The following SPG11 variants were observed in gnomAD, a reference collection of about 807,000 sequenced individuals.
The protein encoded by SPG11 is spatacsin.
A neutral mutation model predicts 274.0 loss-of-function variants in SPG11; 222 were observed. The ratio of observed to expected loss-of-function variants is 0.81; its 90% CI spans 0.73 to 0.91. The LOEUF is 0.91. Ranked by LOEUF, SPG11 falls within the 40% of genes least tolerant of loss-of-function variation. The pLI, the probability that SPG11 is intolerant of heterozygous loss-of-function variation, is 0.00. For synonymous variants in SPG11, 1,144 were observed against 1,039.7 expected, an observed-to-expected ratio of 1.10 and a Z score of -1.93; for missense variants, 3,114 against 2,872.7, an observed-to-expected ratio of 1.08 and a Z score of -1.92.
chr15:44,637,603 C>T (rs1026830853), intron 7 of SPG11, among the ~76,000 whole-genome samples: 3 of 152,124 alleles, frequency 2.0e-5, no homozygotes, highest in African/African-American at 7.2e-5. Context: ...AGCCACTGTG[C>T]CTGGGTTGGA....
chr15:44,570,416 G>T, intron 34 of SPG11, 109 bp downstream of exon 34: 2 of 1,404,604 alleles, frequency 1.4e-6, no homozygotes, highest in Non-Finnish European at 2.0e-6. Context: ...GTGGTATCCA[G>T]ATGGGCAGAA....
intron 27 of SPG11, among the ~76,000 whole-genome samples, chr15:44,590,124 A>C (rs1353382604): frequency 1.3e-5 from 2 of 152,146 alleles, no homozygotes; most frequent in Non-Finnish European, 2.9e-5. Context: ...TTCTTTAAAG[A>C]GGGATGTAGG....
At chr15:44,625,392 T>C (rs1200825291) in intron 11 of SPG11, among the ~76,000 whole-genome samples, 1 of 152,118 alleles carries the variant, frequency 6.6e-6, no homozygotes, top group Non-Finnish European at 1.5e-5. Flanking sequence ...GAGGGGCCTG[T>C]TGGGAGGTGA....
intron 7 of SPG11, among the ~76,000 whole-genome samples, chr15:44,639,974 G>A (rs527465848): frequency 1.3e-5 from 2 of 152,254 alleles, no homozygotes; most frequent in East Asian, 1.9e-4. Flanking sequence ...ACTTTGGGAG[G>A]CCGAGGCAGG....
In SPG11 at chr15:44,596,246, C is replaced by T. The variant is rs761186692; in HGVS notation, c.4271G>A (p.Cys1424Tyr). The T allele has an allele frequency of 6.2e-7, 1 of 1,614,148 alleles. No individual in the cohort carries two copies. The highest frequency in any genetic ancestry group is 1.1e-5 in the South Asian group (1 of 91,080). The change falls in exon 25 of 40, where the codon TGC (cysteine) becomes TAC (tyrosine). Residue 1424 changes from cysteine (C) to tyrosine (Y), a missense_variant. By Grantham distance (194) the Cys-to-Tyr change is radical. Transcript: ENST00000261866. ...TTGAAGTTCCTGGGGGCACTTATTG[C>T]AGACTTGATCGCTGTCCATTTTGGA... ...PTSKMDSDQV[C>Y]NKCPQELQGS...
At chr15:44,632,015 C>T (rs2084079300) in intron 8 of SPG11, among the ~76,000 whole-genome samples, 1 of 151,792 alleles carries the variant, frequency 6.6e-6, no homozygotes, top group Non-Finnish European at 1.5e-5. Flanking sequence ...CACTATGTTA[C>T]CCAGGCTAGT....
chr15:44,572,936 G>T, intron 32 of SPG11, 116 bp from the exon 33 acceptor site: 1 of 947,658 alleles, frequency 1.1e-6, no homozygotes, highest in Non-Finnish European at 1.7e-6. Context: ...CGCTTGCTGA[G>T]CTTGAAACCC....
chr15:44,661,867 C>T (rs1025338246), intron 1 of SPG11, among the ~76,000 whole-genome samples: 11 of 152,166 alleles, frequency 7.2e-5, no homozygotes, highest in Admixed American at 2.6e-4. Context: ...ATACTATAAA[C>T]ATGCCCTTAT....
In SPG11 at chr15:44,612,700, T is replaced by G. The variant is rs2083492305; in HGVS notation, c.3145+730A>C. On this transcript the variant is annotated intron_variant, in intron 17 of 39. Coordinates refer to ENST00000261866, the MANE Select transcript of SPG11 (RefSeq NM_025137.4). ...TGTGAGCCACCACACCTGGCCAGTA[T>G]TACCTTCTTGATAGTTGTCTGTGGC... 2.0e-5 allele frequency among the ~76,000 whole-genome samples: 3 copies of G among 152,160 alleles called. No individual in the cohort carries two copies. In the South Asian group the frequency reaches 6.2e-4, roughly 31 times the overall value.
chr15:44,620,142 C>A, intron 15 of SPG11, 48 bp downstream of exon 15: 1 of 1,437,362 alleles, frequency 7.0e-7, no homozygotes, highest in East Asian at 2.3e-5. Context: ...TTTTCTTGCT[C>A]TTCCCTTGTA....
chr15:44,582,725 A>G (rs1302523493), intron 30 of SPG11, among the ~76,000 whole-genome samples: 1 of 152,160 alleles, frequency 6.6e-6, no homozygotes, highest in African/African-American at 2.4e-5. Flanking sequence ...ATATTAAAAA[A>G]TCAACTAATG....
At chr15:44,635,457 G>A (rs2084212402) in intron 7 of SPG11, among the ~76,000 whole-genome samples, 1 of 151,522 alleles carries the variant, frequency 6.6e-6, no homozygotes, top group African/African-American at 2.4e-5. Context: ...AAATTAAAAA[G>A]TAGCTGGGTG....
chr15:44,644,539 C>T (rs2141087722), intron 7 of SPG11, among the ~76,000 whole-genome samples: 1 of 152,278 alleles, frequency 6.6e-6, no homozygotes, highest in South Asian at 2.1e-4. Flanking sequence ...ACTCTCACCA[C>T]TCCTATTCAA....
Position 44,570,430 on chromosome 15 carries a change from CCTACGA to C in SPG11, c.6477+89_6477+94del, listed in dbSNP as rs1595823651. The C allele has an allele frequency of 2.0e-6, 3 of 1,524,800 alleles. No homozygotes were observed. In the East Asian group the frequency reaches 6.9e-5, roughly 35 times the overall value. 94.5% of individuals were successfully genotyped at this position (1,524,800 alleles called of 1,614,324 possible). On this transcript the variant is annotated intron_variant, in intron 34 of 39. Coordinates refer to ENST00000261866, the MANE Select transcript of SPG11 (RefSeq NM_025137.4). ...AGTGGTATCCAGATGGGCAGAACCCCCTACGACTACATCAGCTCTGGGCTGGCTCCC... is the reference window on the plus strand; with the variant it reads ...AGTGGTATCCAGATGGGCAGAACCCCCTACATCAGCTCTGGGCTGGCTCCC...
chr15:44,571,124 G>A (rs1438076244), intron 33 of SPG11, among the ~76,000 whole-genome samples: 1 of 152,090 alleles, frequency 6.6e-6, no homozygotes, highest in Non-Finnish European at 1.5e-5. Context: ...TACAATCACT[G>A]TAAGCACAAT....
In SPG11 at chr15:44,563,069, C is replaced by T; in HGVS notation, c.*52G>A. ...CTCCAATGCATTCTTCTTCTCATCACATCTGTCAGAATCTGCTAACAGTAC... is the reference window on the plus strand; with the variant it reads ...CTCCAATGCATTCTTCTTCTCATCATATCTGTCAGAATCTGCTAACAGTAC... On this transcript the variant is annotated 3_prime_UTR_variant, in exon 40 of 40. Coordinates refer to ENST00000261866, the MANE Select transcript of SPG11 (RefSeq NM_025137.4). The T allele has an allele frequency of 6.4e-7, 1 of 1,556,362 alleles. No homozygotes were observed. The highest frequency in any genetic ancestry group is 1.1e-5 in the South Asian group (1 of 89,690).
At position 44,600,639 on chromosome 15, in the gene SPG11, G is replaced by C. The variant is rs2083161976; in HGVS notation, c.3521-7C>G. 2 of 1,613,114 alleles carry C rather than the reference G, an allele frequency of 1.2e-6. No homozygotes were observed. Among genetic ancestry groups the C allele is most frequent in the Non-Finnish European group, 1.7e-6 (2 of 1,179,352 alleles). The stretch of plus-strand genomic sequence containing the variant: ...GGGAGATGACTCCATGCATCTAGGG[G>C]GAAAGTAAAACAATATTAATTATCT... On this transcript the variant is annotated splice_polypyrimidine_tract_variant and splice_region_variant and intron_variant, in intron 20 of 39. Transcript: ENST00000261866.
At chr15:44,575,703 C>G (rs1004567242) in intron 30 of SPG11, among the ~76,000 whole-genome samples, 5 of 152,030 alleles carry the variant, frequency 3.3e-5, no homozygotes, top group African/African-American at 9.7e-5. Context: ...CCATGTTGAT[C>G]AGGCTGGTCT....
intron 22 of SPG11, 67 bp from the exon 23 acceptor site, chr15:44,598,440 A>C: frequency 6.8e-7 from 1 of 1,472,030 alleles, no homozygotes; most frequent in Non-Finnish European, 9.5e-7. Context: ...TTTCTGTTTG[A>C]ATAGTGTGGC....
Sources: allele counts gnomAD v4.1 joint callset (sites outside exome capture counted in the v4.1 genomes callset), GRCh38; gene constraint gnomAD v4.1.1; transcripts MANE v1.5; gene names NCBI Gene and HGNC (gene_info 2026-07-23, HGNC 2026-07-21).